SV2C: variants seen among roughly 807,000 people sequenced by gnomAD.
The protein encoded by SV2C is solute carrier family 22 member B3.
In SV2C, 49 loss-of-function variants were observed where a neutral mutation model predicts 79.7. The observed-to-expected ratio is 0.61, with a 90% CI of 0.49 to 0.78. The LOEUF (loss-of-function observed/expected upper bound fraction) is 0.78. SV2C is among the 30% of genes least tolerant of loss of function. The pLI is 0.00. For synonymous variants in SV2C, 334 were observed against 333.2 expected, an observed-to-expected ratio of 1.00 and a Z score of -0.03; for missense variants, 833 against 912.9, an observed-to-expected ratio of 0.91 and a Z score of 1.13.
At chr5:76,133,543 A>G in intron 2 of SV2C, among the ~76,000 whole-genome samples, 1 of 152,328 alleles carries the variant, frequency 6.6e-6, no homozygotes, top group East Asian at 1.9e-4. Context: ...TGTTTCTTTT[A>G]TATGACCCAC....
the SV2C span, among the ~76,000 whole-genome samples, chr5:75,887,472 A>G: frequency 2.5e-4 from 38 of 151,424 alleles, 1 homozygote; most frequent in South Asian, 7.9e-3. Flanking sequence ...CTTATCCTCC[A>G]CTTTAAAGAT....
chr5:76,238,831 T>G (rs1745696024), intron 4 of SV2C, among the ~76,000 whole-genome samples: 1 of 152,208 alleles, frequency 6.6e-6, no homozygotes, highest in African/African-American at 2.4e-5. Context: ...AAACTTTGAC[T>G]TAAATCCTCT....
the SV2C span, among the ~76,000 whole-genome samples, chr5:76,008,371 G>A: frequency 1.8e-3 from 268 of 152,240 alleles, no homozygotes; most frequent in Non-Finnish European, 3.0e-3. Flanking sequence ...AGCCGCTGGA[G>A]ATGAAGGAAT....
At chr5:76,231,386 C>T (rs1299528963) in intron 4 of SV2C, among the ~76,000 whole-genome samples, 1 of 152,014 alleles carries the variant, frequency 6.6e-6, no homozygotes, top group African/African-American at 2.4e-5. Context: ...ATGAAAAGAT[C>T]CAGGAGTTAA....
the SV2C span, among the ~76,000 whole-genome samples, chr5:76,031,028 A>T: frequency 6.6e-6 from 1 of 152,366 alleles, no homozygotes; most frequent in African/African-American, 2.4e-5. Context: ...ATGGTGCAAA[A>T]TATTCATCAG....
chr5:75,959,039 A>G, the SV2C span, among the ~76,000 whole-genome samples: 1 of 151,952 alleles, frequency 6.6e-6, no homozygotes, highest in African/African-American at 2.4e-5. Context: ...AAAGTCCCTT[A>G]TTAACATCAT....
At chr5:76,174,150 G>A (rs878875446) in intron 2 of SV2C, 15 of 1,612,094 alleles carry the variant, frequency 9.3e-6, no homozygotes, top group East Asian at 4.5e-5. Flanking sequence ...CCAACGCCTC[G>A]TGAGCCAAGA....
chr5:76,270,984 A>G (rs6858887), intron 4 of SV2C, among the ~76,000 whole-genome samples: 94,678 of 151,872 alleles, frequency 0.62, 29,872 homozygotes, highest in South Asian at 0.74. Flanking sequence ...GGCCACGCTG[A>G]TCTCGAACTG....
chr5:75,947,965 A>G, the SV2C span, among the ~76,000 whole-genome samples: 1 of 152,004 alleles, frequency 6.6e-6, no homozygotes, highest in Non-Finnish European at 1.5e-5. Flanking sequence ...TTAACTTAAA[A>G]TGACTGGCAG....
At chr5:76,121,502 G>A (rs1748495738) in intron 1 of SV2C, among the ~76,000 whole-genome samples, 1 of 151,610 alleles carries the variant, frequency 6.6e-6, no homozygotes, top group East Asian at 1.9e-4. Flanking sequence ...ATGGTTTCAG[G>A]TCTAACGTTT....
At chr5:75,853,512 C>G in the SV2C span, among the ~76,000 whole-genome samples, 3 of 142,684 alleles carry the variant, frequency 2.1e-5, no homozygotes, top group African/African-American at 7.9e-5. Flanking sequence ...GCACAGATCG[C>G]GCCACTGCAC....
chr5:76,129,175 G>A (rs1034159052), intron 1 of SV2C, among the ~76,000 whole-genome samples: 4 of 152,186 alleles, frequency 2.6e-5, no homozygotes, highest in African/African-American at 9.7e-5. Flanking sequence ...ATGATTCAGA[G>A]AGACCCCTGT....
At chr5:76,161,560 C>A (rs1260979293) in intron 2 of SV2C, among the ~76,000 whole-genome samples, 3 of 152,036 alleles carry the variant, frequency 2.0e-5, no homozygotes, top group African/African-American at 4.8e-5. Context: ...GTCTTGAATT[C>A]CTGGGCTCTA....
the SV2C span, among the ~76,000 whole-genome samples, chr5:75,875,490 C>A: frequency 6.6e-6 from 1 of 152,048 alleles, no homozygotes; most frequent in Non-Finnish European, 1.5e-5. Flanking sequence ...GGAAGACAAC[C>A]TAGGCAATAC....
chr5:75,983,681 G>T, the SV2C span, among the ~76,000 whole-genome samples: 6 of 152,012 alleles, frequency 3.9e-5, no homozygotes, highest in Admixed American at 1.3e-4. Context: ...AACAATGGCG[G>T]TTGTAGGACA....
the SV2C span, among the ~76,000 whole-genome samples, chr5:75,956,640 C>G: frequency 1.3e-5 from 2 of 151,902 alleles, no homozygotes; most frequent in Non-Finnish European, 2.9e-5. Context: ...AGAGCAGTAG[C>G]ATTGTAAATA....
chr5:75,879,844 T>C, the SV2C span, among the ~76,000 whole-genome samples: 3 of 152,234 alleles, frequency 2.0e-5, no homozygotes, highest in African/African-American at 7.2e-5. Context: ...TCTGCCTCTG[T>C]GGCTGGCTTC....
At chr5:76,202,107 A>G (rs1305877986) in intron 3 of SV2C, among the ~76,000 whole-genome samples, 1 of 151,996 alleles carries the variant, frequency 6.6e-6, no homozygotes, top group Non-Finnish European at 1.5e-5. Flanking sequence ...CAGTCTTCTG[A>G]ATTTTGGTCT....
the SV2C span, among the ~76,000 whole-genome samples, chr5:76,000,201 C>G: frequency 2.0e-5 from 3 of 152,092 alleles, no homozygotes; most frequent in African/African-American, 4.8e-5. Context: ...TTTCATGAAG[C>G]CTTTGAGACA....
Sources: allele counts gnomAD v4.1 joint callset (sites outside exome capture counted in the v4.1 genomes callset), GRCh38; gene constraint gnomAD v4.1.1; transcripts MANE v1.5; gene names NCBI Gene and HGNC (gene_info 2026-07-23, HGNC 2026-07-21).